SDK2: variants seen among roughly 807,000 people sequenced by gnomAD.
SDK2 encodes the protein protein sidekick-2.
In SDK2, 105 loss-of-function variants were observed where a neutral mutation model predicts 253.9. The observed-to-expected ratio is 0.41, with a 90% CI of 0.35 to 0.49. The LOEUF is 0.49. SDK2 is among the 20% of genes least tolerant of loss of function. The probability of loss-of-function intolerance (pLI) is 0.06; values close to 1 mark genes in which losing one functional copy is unlikely to be tolerated. For synonymous variants in SDK2, 1,249 were observed against 1,234.9 expected (o/e 1.01, Z -0.24); for missense variants, 2,608 against 3,003.0 (o/e 0.87, Z 3.07).
At chr17:73,571,953 G>A (rs1344049594) in intron 1 of SDK2, among the ~76,000 whole-genome samples, 5 of 152,170 alleles carry the variant, frequency 3.3e-5, no homozygotes, top group Non-Finnish European at 7.4e-5. Context: ...GAGCGCCCGC[G>A]GGGCCAGCTC....
intron 32 of SDK2, among the ~76,000 whole-genome samples, chr17:73,384,944 C>T (rs1180480915): frequency 3.9e-5 from 6 of 152,242 alleles, no homozygotes; most frequent in Non-Finnish European, 7.3e-5. Context: ...CCACGTTGCT[C>T]CAGCCTCGTC....
At chr17:73,354,136 G>A (rs1016997784) in intron 40 of SDK2, among the ~76,000 whole-genome samples, 4 of 151,986 alleles carry the variant, frequency 2.6e-5, no homozygotes, top group Non-Finnish European at 5.9e-5. Flanking sequence ...CAACCTCCTG[G>A]GCTCAAGCGA....
intron 4 of SDK2, among the ~76,000 whole-genome samples, chr17:73,453,912 T>C (rs900448358): frequency 2.0e-5 from 3 of 152,252 alleles, no homozygotes; most frequent in Admixed American, 2.0e-4. Context: ...ACATATATGA[T>C]GCTGGTTCTA....
intron 4 of SDK2, among the ~76,000 whole-genome samples, chr17:73,449,790 G>T (rs913790235): frequency 2.0e-5 from 3 of 151,892 alleles, no homozygotes; most frequent in East Asian, 1.9e-4. Context: ...TGTGGTGGTG[G>T]TGCATGCCTG....
Position 73,425,571 on chromosome 17 carries a change from G to A in SDK2, c.1584-1479C>T, listed in dbSNP as rs144790906. On this transcript the variant is annotated intron_variant, in intron 12 of 44. Transcript: ENST00000392650. ...CGCCCAGGCTGGAGTGCCGTGGTGC[G>A]GTCTTGACTCACTGCAACCTCCACC... Among the ~76,000 whole-genome samples, 108 of 152,216 alleles carry A rather than the reference G, an allele frequency of 7.1e-4. No homozygotes were observed. In the East Asian group the frequency reaches 0.01, roughly 14 times the overall value.
chr17:73,355,174 ATT>A (rs770032791), intron 40 of SDK2, among the ~76,000 whole-genome samples: 26 of 47,162 alleles, frequency 5.5e-4, no homozygotes, highest in East Asian at 8.5e-4. Flanking sequence ...ATATATATAT[ATT>A]TTTTTTTTTT....
In SDK2 at chr17:73,455,442, C is replaced by A. The variant is rs537876693; in HGVS notation, c.479+464G>T. Among the ~76,000 whole-genome samples, 5 of 152,152 alleles carry A rather than the reference C, an allele frequency of 3.3e-5. No homozygotes were observed. In the East Asian group the frequency reaches 9.7e-4, roughly 30 times the overall value. On this transcript the variant is annotated intron_variant, in intron 4 of 44. Coordinates refer to ENST00000392650, the MANE Select transcript of SDK2 (RefSeq NM_001144952.2). This position sits in a 1 kb window ranked among gnomAD's most constrained non-coding sequence, Gnocchi z 5.0. ...CAGGGCTTCCCTGGCCACACCTCCG[C>A]CGCACAGCCAAGACACACACAGCCC...
rs773777944 is a variant in SDK2, at chr17:73,350,341, G to A, written c.5934C>T (p.Ser1978=). The A allele has an allele frequency of 2.9e-5, 46 of 1,613,704 alleles. No individual in the cohort carries two copies. Among genetic ancestry groups the A allele is most frequent in the African/African-American group, 1.2e-4 (9 of 74,924 alleles). The change falls in exon 43 of 45, where the codon AGC becomes AGT. Residue 1978 remains serine (S), a synonymous_variant. Transcript: ENST00000392650. ...TGCTTTCATCCAAGCTCATCATCTC[G>A]CTGTGGCCTAGGGCTCCAGACTTGG... ...NSAKSGALGH[S]EMMSLDESSF...
rs142152879 is a variant in SDK2 at position 73,442,289 on chromosome 17, G to T, written c.614-1366C>A. Among the ~76,000 whole-genome samples, 811 of 151,672 alleles carry T rather than the reference G, an allele frequency of 5.3e-3. 7 individuals are homozygous for T. The highest frequency in any genetic ancestry group is 0.019 in the African/African-American group (780 of 41,384). ...CAGGATGGTGGGAGCCAGAACATTT[G>T]CTTTGTAAGCCCCCAGCTGTGGTGC... On this transcript the variant is annotated intron_variant, in intron 5 of 44. Coordinates refer to ENST00000392650, the MANE Select transcript of SDK2 (RefSeq NM_001144952.2).
intron 1 of SDK2, among the ~76,000 whole-genome samples, chr17:73,577,042 C>T (rs2045466972): frequency 6.6e-6 from 1 of 152,178 alleles, no homozygotes; most frequent in African/African-American, 2.4e-5. Context: ...GCAATCCCTT[C>T]CAGGAAGCAT....
intron 18 of SDK2, among the ~76,000 whole-genome samples, chr17:73,403,298 AC>A (rs2063044124): frequency 6.6e-6 from 1 of 152,136 alleles, no homozygotes; most frequent in Non-Finnish European, 1.5e-5. Context: ...TTATCCTCTT[AC>A]ACTCCTTCTA....
chr17:73,590,640 T>C (rs1056302778), intron 1 of SDK2, among the ~76,000 whole-genome samples: 1 of 152,206 alleles, frequency 6.6e-6, no homozygotes, highest in Non-Finnish European at 1.5e-5. Flanking sequence ...AATCTGGGCA[T>C]GGCCAACCCG....
intron 18 of SDK2, among the ~76,000 whole-genome samples, chr17:73,403,696 A>G (rs887031521): frequency 2.0e-5 from 3 of 152,216 alleles, no homozygotes; most frequent in Admixed American, 6.5e-5. Flanking sequence ...GTATTTATAA[A>G]GGATGTTTTG....
At chr17:73,500,965 G>C (rs1339302721) in intron 2 of SDK2, among the ~76,000 whole-genome samples, 2 of 152,138 alleles carry the variant, frequency 1.3e-5, no homozygotes, top group East Asian at 3.9e-4. Context: ...CAGCCAGGGG[G>C]GTTGTCTCCA....
chr17:73,632,342 C>T (rs1378383416), intron 1 of SDK2, among the ~76,000 whole-genome samples: 5 of 152,306 alleles, frequency 3.3e-5, no homozygotes, highest in East Asian at 1.9e-4. Flanking sequence ...GGCAGAGGAA[C>T]GTGGAAGAAT....
rs923173499 is a variant in SDK2 at position 73,368,465 on chromosome 17, G to A, written c.5109C>T (p.Phe1703=). The stretch of plus-strand genomic sequence containing the variant: ...TCCGAGGCCCATCCCCAGCGGCGTT[G>A]AAGGCGGCCACGCTGACCATGTAGG... The part of the protein sequence containing the change: ...YTAYMVSVAA[F]NAAGDGPRST... Residue 1703 remains phenylalanine, a synonymous_variant, in exon 37 of 45, where the codon TTC becomes TTT. Coordinates refer to ENST00000392650, the MANE Select transcript of SDK2 (RefSeq NM_001144952.2). The A allele has an allele frequency of 1.2e-6, 2 of 1,607,212 alleles. No homozygotes were observed. Among genetic ancestry groups the A allele is most frequent in the African/African-American group, 2.7e-5 (2 of 74,752 alleles).
At chr17:73,521,700 A>T (rs1338177901) in intron 1 of SDK2, among the ~76,000 whole-genome samples, 1 of 152,184 alleles carries the variant, frequency 6.6e-6, no homozygotes, top group Non-Finnish European at 1.5e-5. Context: ...GTTTTGCTAG[A>T]GGATGGGAGT....
chr17:73,508,651 C>A (rs763176544), intron 1 of SDK2, among the ~76,000 whole-genome samples: 1 of 152,182 alleles, frequency 6.6e-6, no homozygotes, highest in Non-Finnish European at 1.5e-5. Context: ...CATGACTAGA[C>A]AGGATTACAA....
rs61601588 is a variant in SDK2 at position 73,552,916 on chromosome 17, G to C, written c.65-45319C>G. On this transcript the variant is annotated intron_variant, in intron 1 of 44. Transcript: ENST00000392650. The stretch of plus-strand genomic sequence containing the variant: ...GAGCCTCTGGCTGGCGCTCAGAGAT[G>C]GGATGAACTGTTTGGAGAGGAGCCG... Among the ~76,000 whole-genome samples the C allele has an allele frequency of 8.2e-3, 1,250 of 152,370 alleles. 17 individuals carry two copies. Among genetic ancestry groups the C allele is most frequent in the African/African-American group, 0.029 (1,195 of 41,584 alleles).
Sources: allele counts gnomAD v4.1 joint callset (sites outside exome capture counted in the v4.1 genomes callset), GRCh38; gene constraint gnomAD v4.1.1; non-coding constraint Gnocchi (gnomAD v3.1); transcripts MANE v1.5; gene names NCBI Gene and HGNC (gene_info 2026-07-23, HGNC 2026-07-21).